Variants in SMG6 observed in about 807,000 individuals in gnomAD.
The protein encoded by SMG6 is telomerase-binding protein EST1A.
A neutral mutation model predicts 142.2 loss-of-function variants in SMG6; 66 were observed. That is an observed-to-expected ratio of 0.46 (90% CI 0.38 to 0.57). The LOEUF (loss-of-function observed/expected upper bound fraction) is 0.57. SMG6 is among the 20% of genes least tolerant of loss of function. SMG6 has a pLI of 0.00. For missense variants in SMG6, 1,793 were observed against 1,832.0 expected (o/e 0.98, Z 0.39); for synonymous variants, 779 against 702.4 (o/e 1.11, Z -1.72).
chr17:2,180,657 T>C (rs560661450), intron 12 of SMG6, among the ~76,000 whole-genome samples: 1 of 152,086 alleles, frequency 6.6e-6, no homozygotes, highest in Non-Finnish European at 1.5e-5. Context: ...AACCCTGGAA[T>C]TCCCCTCAGA....
In SMG6 at chr17:2,172,768, C is replaced by T. The variant is rs779263481; in HGVS notation, c.3247G>A (p.Asp1083Asn). ...QSEVPLYKDP[D>N]DDLTLLILEE... ...AGGATAAGAAGGGTGAGGTCATCATCCGGGTCCTTGTACAGTGGCACCTCA... is the reference window on the plus strand; with the variant it reads ...AGGATAAGAAGGGTGAGGTCATCATTCGGGTCCTTGTACAGTGGCACCTCA... The change falls in exon 13 of 19, where the codon GAT becomes AAT. Residue 1083 changes from aspartate (D) to asparagine (N), a missense_variant. This residue lies in a region of SMG6 where 1,597 missense variants were observed against 1,584.6 expected (regional missense o/e 1.01). Coordinates refer to ENST00000263073, the MANE Select transcript of SMG6 (RefSeq NM_017575.5). 6.2e-7 allele frequency: 1 copy of T among 1,614,144 alleles called. No individual in the cohort carries two copies. Among genetic ancestry groups the T allele is most frequent in the Non-Finnish European group, 8.5e-7 (1 of 1,180,034 alleles).
intron 12 of SMG6, among the ~76,000 whole-genome samples, chr17:2,182,267 A>C (rs545230521): frequency 2.0e-5 from 3 of 152,184 alleles, no homozygotes; most frequent in Admixed American, 2.0e-4. Context: ...TTTGGGGATC[A>C]CTGCTGAGAA....
At chr17:2,281,586 CCTT>C (rs536396439) in intron 8 of SMG6, among the ~76,000 whole-genome samples, 36 of 152,340 alleles carry the variant, frequency 2.4e-4, no homozygotes, top group African/African-American at 8.4e-4. Flanking sequence ...GCAGCACCCT[CCTT>C]GTCTCCTATT....
chr17:2,100,037 CTTTT>C (rs150310662), intron 13 of SMG6, among the ~76,000 whole-genome samples: 54 of 134,882 alleles, frequency 4.0e-4, no homozygotes, highest in African/African-American at 1.4e-3. Flanking sequence ...TAATTTTTAT[CTTTT>C]TTTTTTTTTT....
In SMG6 at chr17:2,300,594, C is replaced by G. The variant is rs751010646; in HGVS notation, c.159G>C (p.Lys53Asn). Residue 53 changes from lysine (K) to asparagine (N), a missense_variant, in exon 2 of 19, where the codon AAG (lysine) becomes AAC (asparagine). This residue lies in a region of SMG6 where 1,597 missense variants were observed against 1,584.6 expected (regional missense o/e 1.01). Coordinates refer to ENST00000263073, the MANE Select transcript of SMG6 (RefSeq NM_017575.5). Reference sequence around the variant, plus strand: ...TGTTCCTTAGCCGAGAAAGGCCAGGCTTATAGATTTCCAGATCTGGACGCC... The same window carrying G: ...TGTTCCTTAGCCGAGAAAGGCCAGGGTTATAGATTTCCAGATCTGGACGCC... ...DNRRPDLEIYKPGLSRLRNKP... is the reference protein window; with the variant it reads ...DNRRPDLEIYNPGLSRLRNKP... The G allele has an allele frequency of 6.2e-7, 1 of 1,613,484 alleles. No homozygotes were observed. Among genetic ancestry groups the G allele is most frequent in the Non-Finnish European group, 8.5e-7 (1 of 1,179,762 alleles).
intron 13 of SMG6, chr17:2,087,777 C>A: frequency 2.0e-6 from 2 of 985,894 alleles, no homozygotes; most frequent in Non-Finnish European, 2.4e-6. Flanking sequence ...TGGCAGGCAG[C>A]ACGCACAGTG....
chr17:2,140,569 G>A (rs1196392355), intron 13 of SMG6, among the ~76,000 whole-genome samples: 1 of 151,844 alleles, frequency 6.6e-6, no homozygotes, highest in African/African-American at 2.4e-5. Context: ...CTACTTGGGA[G>A]GCTGAGGCAG....
chr17:2,203,443 CT>C (rs763492284), intron 10 of SMG6, among the ~76,000 whole-genome samples: 2 of 152,192 alleles, frequency 1.3e-5, no homozygotes, highest in African/African-American at 4.8e-5. Flanking sequence ...GACAGAGTTT[CT>C]GCTTCTACAC....
chr17:2,291,284 T>G (rs371214395), intron 6 of SMG6, among the ~76,000 whole-genome samples: 1 of 150,180 alleles, frequency 6.7e-6, no homozygotes. Flanking sequence ...TGAGCCGAGA[T>G]CGCGCCACTG....
chr17:2,236,487 C>G lies in SMG6; in HGVS notation c.2869+5G>C. The G allele has an allele frequency of 6.2e-7, 1 of 1,610,842 alleles. No individual in the cohort carries two copies. Among genetic ancestry groups the G allele is most frequent in the South Asian group, 1.1e-5 (1 of 90,172 alleles). On this transcript the variant is annotated splice_donor_5th_base_variant and intron_variant, in intron 10 of 18. Coordinates refer to ENST00000263073, the MANE Select transcript of SMG6 (RefSeq NM_017575.5). ...TTCTAGATGAAGAAACTAAACATGC[C>G]TTACCTTTCAGCTGGGAGTTGTGTA...
chr17:2,065,910 T>C, intron 16 of SMG6: 1 of 575,466 alleles, frequency 1.7e-6, no homozygotes, highest in Non-Finnish European at 3.1e-6. Context: ...CCTGCCCTCC[T>C]CTTGGGAGGA....
At chr17:2,079,105 A>G (rs768775612) in intron 15 of SMG6, among the ~76,000 whole-genome samples, 3 of 152,048 alleles carry the variant, frequency 2.0e-5, no homozygotes, top group Non-Finnish European at 4.4e-5. Context: ...CTGGGACTAC[A>G]GGCACCCGCC....
At position 2,060,197 on chromosome 17, in the gene SMG6, G is replaced by C. The variant is rs1031055366; in HGVS notation, c.*1295C>G. 19 of 152,284 alleles carry C rather than the reference G, an allele frequency of 1.2e-4. No homozygotes were observed. The highest frequency in any genetic ancestry group is 4.6e-4 in the African/African-American group (19 of 41,442). The allele number at this position is 152,284 out of a possible 1,614,324, so 9.4% of individuals were successfully genotyped here. On this transcript the variant is annotated 3_prime_UTR_variant, in exon 19 of 19. Coordinates refer to ENST00000263073, the MANE Select transcript of SMG6 (RefSeq NM_017575.5). ...CTGGTCCCATTAAGATTTGCCCCTGGCTCCACCGAAAACCCCGTCTTCCCC... is the reference window on the plus strand; with the variant it reads ...CTGGTCCCATTAAGATTTGCCCCTGCCTCCACCGAAAACCCCGTCTTCCCC...
At chr17:2,266,401 T>G (rs2074423844) in intron 8 of SMG6, among the ~76,000 whole-genome samples, 4 of 152,186 alleles carry the variant, frequency 2.6e-5, no homozygotes, top group African/African-American at 7.2e-5. Context: ...CAAGTGCTCA[T>G]TGTTAGATCT....
intron 14 of SMG6, among the ~76,000 whole-genome samples, chr17:2,082,690 A>G (rs1874096642): frequency 1.3e-5 from 2 of 152,204 alleles, no homozygotes; most frequent in Admixed American, 1.3e-4. Context: ...CTTAGCAGCC[A>G]TCACTCCCTG....
rs183807664 is a variant in SMG6 at position 2,109,586 on chromosome 17, T to G, written c.3358-23685A>C. ...GCCTTTCTCATTCTTTATTAAATAT[T>G]TTCAAGGCAGTAGATTAAGAATAGG... On this transcript the variant is annotated intron_variant, in intron 13 of 18. Transcript: ENST00000263073. Among the ~76,000 whole-genome samples the G allele has an allele frequency of 2.3e-3, 350 of 152,230 alleles. 1 individual carries two copies. The highest frequency in any genetic ancestry group is 0.01 in the Middle Eastern group (3 of 294).
intron 2 of SMG6, 50 bp from the exon 3 acceptor site, chr17:2,298,105 G>A: frequency 6.6e-7 from 1 of 1,525,520 alleles, no homozygotes; most frequent in Non-Finnish European, 8.8e-7. Context: ...CACAGAAAAA[G>A]CTAGACTCAA....
Position 2,298,891 on chromosome 17 carries a change from T to A in SMG6, c.1847+15A>T. On this transcript the variant is annotated intron_variant, in intron 2 of 18. Coordinates refer to ENST00000263073, the MANE Select transcript of SMG6 (RefSeq NM_017575.5). Reference sequence around the variant, plus strand: ...GATCCCCATTTCCCTCCAGCCAGAATAGACCACATCATACCTGAGTTGCGC... The same window carrying A: ...GATCCCCATTTCCCTCCAGCCAGAAAAGACCACATCATACCTGAGTTGCGC... 1 of 1,604,906 alleles carries A rather than the reference T, an allele frequency of 6.2e-7. No individual in the cohort carries two copies. The highest frequency in any genetic ancestry group is 8.5e-7 in the Non-Finnish European group (1 of 1,174,802).
chr17:2,258,034 AAT>A (rs2074228829), intron 8 of SMG6, among the ~76,000 whole-genome samples: 1 of 108,240 alleles, frequency 9.2e-6, no homozygotes, highest in African/African-American at 3.5e-5. Flanking sequence ...AAAAAAAAAA[AAT>A]ATACACACAC....
Sources: gnomAD v4.1 joint callset for allele counts (sites outside exome capture counted in the v4.1 genomes callset) on GRCh38, gnomAD v4.1.1 for gene constraint, gnomAD v4.1.1 regional missense constraint, MANE v1.5 for transcripts, NCBI Gene and HGNC (gene_info 2026-07-23, HGNC 2026-07-21) for gene names.